Variants in GALNT10 observed in about 807,000 individuals in gnomAD.
GALNT10 encodes the protein polypeptide N-acetylgalactosaminyltransferase 10, also known as GalNAc transferase 10.
In GALNT10, 41 loss-of-function variants were observed where a neutral mutation model predicts 75.0. That is an observed-to-expected ratio of 0.55 (90% CI 0.43 to 0.71). The LOEUF (loss-of-function observed/expected upper bound fraction) is 0.71. GALNT10 is among the 30% of genes least tolerant of loss of function. The pLI, the probability that GALNT10 is intolerant of heterozygous loss-of-function variation, is 0.00. For missense variants in GALNT10, 727 were observed against 818.5 expected (o/e 0.89, Z 1.36); for synonymous variants, 302 against 313.0 (o/e 0.96, Z 0.37).
At chr5:154,232,765 CAT>C (rs768165335) in intron 1 of GALNT10, among the ~76,000 whole-genome samples, 18 of 152,308 alleles carry the variant, frequency 1.2e-4, no homozygotes, top group East Asian at 3.9e-4. Context: ...AAGTAACAGA[CAT>C]GTGGTCAATT....
intron 1 of GALNT10, among the ~76,000 whole-genome samples, chr5:154,214,050 G>C (rs1336690725): frequency 6.6e-6 from 1 of 152,144 alleles, no homozygotes; most frequent in Non-Finnish European, 1.5e-5. Context: ...AGGAGTCTTC[G>C]TTTCCTTCCA....
chr5:154,198,934 G>A (rs147354816), intron 1 of GALNT10, among the ~76,000 whole-genome samples: 5 of 152,314 alleles, frequency 3.3e-5, no homozygotes, highest in East Asian at 3.9e-4. Context: ...ACCAGGGCCC[G>A]GAGACCTGTA....
chr5:154,338,993 A>G (rs555058473), intron 4 of GALNT10, among the ~76,000 whole-genome samples: 3 of 152,166 alleles, frequency 2.0e-5, no homozygotes, highest in South Asian at 2.1e-4. Context: ...TGCAGGCACA[A>G]TGACTGTTTT....
chr5:154,279,026 G>GT (rs1753996093), intron 1 of GALNT10, among the ~76,000 whole-genome samples: 1 of 152,110 alleles, frequency 6.6e-6, no homozygotes, highest in African/African-American at 2.4e-5. Context: ...AGGAATGTCT[G>GT]TTTGAGTCCC....
intron 3 of GALNT10, among the ~76,000 whole-genome samples, chr5:154,327,477 A>G (rs572347404): frequency 6.6e-6 from 1 of 152,352 alleles, no homozygotes; most frequent in South Asian, 2.1e-4. Context: ...GATCATGTCC[A>G]AAGGACTCAG....
intron 7 of GALNT10, among the ~76,000 whole-genome samples, chr5:154,394,512 G>C (rs762807149): frequency 2.6e-5 from 4 of 152,170 alleles, no homozygotes; most frequent in Non-Finnish European, 5.9e-5. Context: ...GCAGTGCCAA[G>C]GCTAAATCCC....
chr5:154,339,090 G>A (rs1330566871), intron 4 of GALNT10, among the ~76,000 whole-genome samples: 1 of 152,228 alleles, frequency 6.6e-6, no homozygotes, highest in South Asian at 2.1e-4. Context: ...CAGGGGAAGT[G>A]ACTTCTGTTC....
Position 154,402,422 on chromosome 5 carries a change from C to T in GALNT10, c.1057-1682C>T, listed in dbSNP as rs1426648862. Among the ~76,000 whole-genome samples the T allele has an allele frequency of 6.6e-6, 1 of 152,370 alleles. No homozygotes were observed. The highest frequency in any genetic ancestry group is 1.5e-5 in the Non-Finnish European group (1 of 68,042). On this transcript the variant is annotated intron_variant, in intron 7 of 11. Coordinates refer to ENST00000297107, the MANE Select transcript of GALNT10 (RefSeq NM_198321.4). This position sits in a 1 kb window ranked among gnomAD's most constrained non-coding sequence, Gnocchi z 4.2. ...TCCCTGACTGGGGAGCATAAAGTAG[C>T]ATCTCTCACATCCCATACACCCCTA...
intron 3 of GALNT10, among the ~76,000 whole-genome samples, chr5:154,319,335 C>A (rs1278787656): frequency 6.6e-6 from 1 of 152,240 alleles, no homozygotes; most frequent in Non-Finnish European, 1.5e-5. Context: ...CACATGTTAG[C>A]GGCAGGACAG....
chr5:154,321,082 C>A (rs1055126287), intron 3 of GALNT10, among the ~76,000 whole-genome samples: 1 of 152,160 alleles, frequency 6.6e-6, no homozygotes, highest in East Asian at 1.9e-4. Flanking sequence ...ACAGCGAACA[C>A]CCATGTTCCC....
intron 1 of GALNT10, among the ~76,000 whole-genome samples, chr5:154,198,168 A>G (rs1017468280): frequency 6.6e-6 from 1 of 152,172 alleles, no homozygotes; most frequent in African/African-American, 2.4e-5. Context: ...GGGGCTGCGT[A>G]TAGTGCTCTA....
intron 4 of GALNT10, among the ~76,000 whole-genome samples, chr5:154,341,105 CG>C (rs1170811441): frequency 6.6e-6 from 1 of 152,052 alleles, no homozygotes; most frequent in Non-Finnish European, 1.5e-5. Flanking sequence ...GAAATAGACA[CG>C]TGTTAAGGCC....
At chr5:154,328,841 G>C (rs999465653) in intron 3 of GALNT10, among the ~76,000 whole-genome samples, 2 of 152,160 alleles carry the variant, frequency 1.3e-5, no homozygotes, top group Non-Finnish European at 2.9e-5. Flanking sequence ...GGATACAAAT[G>C]AACAGCCAGA....
chr5:154,397,863 C>T (rs1756080528), intron 7 of GALNT10, among the ~76,000 whole-genome samples: 1 of 152,154 alleles, frequency 6.6e-6, no homozygotes, highest in South Asian at 2.1e-4. Flanking sequence ...CTCTCGGGTT[C>T]CCCTCCATGG....
rs2113209814 is a variant in GALNT10 at position 154,402,513 on chromosome 5, C to T, written c.1057-1591C>T. 6.6e-6 allele frequency among the ~76,000 whole-genome samples: 1 copy of T among 152,342 alleles called. No homozygotes were observed. Among genetic ancestry groups the T allele is most frequent in the South Asian group, 2.1e-4 (1 of 4,830 alleles). ...TGAAACCATCTCCCATGTTAGTTACCTATGCCAGGAAAAATTACCCCCAGA... is the reference window on the plus strand; with the variant it reads ...TGAAACCATCTCCCATGTTAGTTACTTATGCCAGGAAAAATTACCCCCAGA... On this transcript the variant is annotated intron_variant, in intron 7 of 11. Transcript: ENST00000297107. The surrounding 1 kb of genome is among the most constrained non-coding windows in gnomAD (Gnocchi z 4.2).
chr5:154,286,067 G>C (rs983132108), intron 1 of GALNT10, among the ~76,000 whole-genome samples: 3 of 152,196 alleles, frequency 2.0e-5, no homozygotes, highest in Admixed American at 6.5e-5. Context: ...AGTCTGATCT[G>C]AAAGAAAGGG....
rs531895807 is a variant in GALNT10 at position 154,315,881 on chromosome 5, T to TG, written c.402-13691_402-13690insG. ...CTCCTGTTTACAGAGCACCAACATG[T>TG]TCCTTTCTTATTCACTTCTCAGCTC... is the stretch of plus-strand genomic sequence containing the variant. On this transcript the variant is annotated intron_variant, in intron 3 of 11. Transcript: ENST00000297107. 1.8e-3 allele frequency among the ~76,000 whole-genome samples: 276 copies of TG among 152,342 alleles called. 1 individual carries two copies. The highest frequency in any genetic ancestry group is 4.6e-3 in the African/African-American group (190 of 41,588).
chr5:154,191,164 T>G, intron 1 of GALNT10, 139 bp downstream of exon 1: 16 of 561,272 alleles, frequency 2.9e-5, no homozygotes, highest in Non-Finnish European at 4.1e-5. Flanking sequence ...ATTTTCCGGA[T>G]GGGAAAATTA....
intron 1 of GALNT10, among the ~76,000 whole-genome samples, chr5:154,226,604 T>A (rs1218680297): frequency 6.6e-6 from 1 of 152,248 alleles, no homozygotes; most frequent in East Asian, 1.9e-4. Flanking sequence ...CAGCTACTTT[T>A]AAGATGTTAT....
Sources: gnomAD v4.1 joint callset for allele counts (sites outside exome capture counted in the v4.1 genomes callset) on GRCh38, gnomAD v4.1.1 for gene constraint, Gnocchi (gnomAD v3.1) non-coding constraint, MANE v1.5 for transcripts, NCBI Gene and HGNC (gene_info 2026-07-23, HGNC 2026-07-21) for gene names.